Variants in EYS observed in about 807,000 individuals in gnomAD.
The protein encoded by EYS is EGF-like photoreceptor maintenance factor.
EYS carries 250 observed loss-of-function variants against 282.1 expected under a neutral mutation model. That is an observed-to-expected ratio of 0.89 (90% CI 0.80 to 0.98). EYS has a LOEUF of 0.98. EYS is among the 50% of genes least tolerant of loss of function. The pLI, the probability that EYS is intolerant of heterozygous loss-of-function variation, is 0.00. For missense variants in EYS, 4,016 were observed against 3,709.0 expected, an observed-to-expected ratio of 1.08 and a Z score of -2.15; for synonymous variants, 1,355 against 1,282.9, an observed-to-expected ratio of 1.06 and a Z score of -1.20.
At chr6:64,703,511 A>C (rs6927776) in intron 22 of EYS, among the ~76,000 whole-genome samples, 92,982 of 138,116 alleles carry the variant, frequency 0.67, 32,452 homozygotes, top group Non-Finnish European at 0.77. Context: ...CAGCTCACTG[A>C]AATCTCCACC....
intron 28 of EYS, among the ~76,000 whole-genome samples, chr6:64,390,318 G>A (rs1315582507): frequency 1.3e-5 from 2 of 152,178 alleles, no homozygotes; most frequent in African/African-American, 2.4e-5. Context: ...ACCTCTGGGG[G>A]CAGGGCACGG....
intron 26 of EYS, among the ~76,000 whole-genome samples, chr6:64,561,083 C>T (rs756258536): frequency 6.6e-6 from 1 of 152,072 alleles, no homozygotes; most frequent in Non-Finnish European, 1.5e-5. Flanking sequence ...GAACTAAAGA[C>T]AAAAACCACA....
intron 26 of EYS, among the ~76,000 whole-genome samples, chr6:64,573,179 T>C (rs1273968705): frequency 6.6e-6 from 1 of 152,134 alleles, no homozygotes; most frequent in Non-Finnish European, 1.5e-5. Context: ...GGGGAAAGGA[T>C]TCCCTATTTA....
At chr6:64,895,343 T>G (rs1767424835) in intron 18 of EYS, among the ~76,000 whole-genome samples, 1 of 152,188 alleles carries the variant, frequency 6.6e-6, no homozygotes, top group South Asian at 2.1e-4. Flanking sequence ...CCACTTGAAT[T>G]TGTCAGAATG....
At chr6:64,680,576 T>C (rs1427990250) in intron 22 of EYS, among the ~76,000 whole-genome samples, 1 of 152,190 alleles carries the variant, frequency 6.6e-6, no homozygotes, top group Non-Finnish European at 1.5e-5. Flanking sequence ...GCCACCAGCA[T>C]TTATCTGCTT....
At chr6:63,751,967 TTTATGATAGGCAAAGACATCTG>T in intron 41 of EYS, among the ~76,000 whole-genome samples, 1 of 152,222 alleles carries the variant, frequency 6.6e-6, no homozygotes, top group Admixed American at 6.5e-5. Context: ...GCATGATTGT[TTTATGATAGGCAAAGACATCTG>T]GTGACTCCTG....
intron 5 of EYS, among the ~76,000 whole-genome samples, chr6:65,481,489 T>G (rs58710475): frequency 0.18 from 26,863 of 152,166 alleles, 2,891 homozygotes; most frequent in East Asian, 0.27. Context: ...TTAAGTATAG[T>G]ATACACTACC....
At chr6:65,123,219 C>T (rs1489528631) in intron 12 of EYS, among the ~76,000 whole-genome samples, 1 of 151,942 alleles carries the variant, frequency 6.6e-6, no homozygotes, top group African/African-American at 2.4e-5. Context: ...TATCCTAATA[C>T]AAAGCTTGAG....
chr6:64,924,303 A>G (rs566928381), intron 15 of EYS, among the ~76,000 whole-genome samples: 2 of 152,244 alleles, frequency 1.3e-5, no homozygotes, highest in South Asian at 2.1e-4. Flanking sequence ...CATCTGGGAC[A>G]CAGGGCACCA....
chr6:65,075,985 T>C (rs1038445052), intron 12 of EYS, among the ~76,000 whole-genome samples: 2 of 151,970 alleles, frequency 1.3e-5, no homozygotes, highest in Non-Finnish European at 2.9e-5. Flanking sequence ...AAGCAAGCAT[T>C]AAAACAGTAA....
intron 2 of EYS, among the ~76,000 whole-genome samples, chr6:65,607,057 A>G (rs1765825281): frequency 6.6e-6 from 1 of 151,874 alleles, no homozygotes; most frequent in East Asian, 1.9e-4. Context: ...AAATGATCTC[A>G]GCAAATATGC....
intron 15 of EYS, among the ~76,000 whole-genome samples, chr6:64,944,222 G>C (rs911450657): frequency 3.3e-5 from 5 of 151,912 alleles, no homozygotes; most frequent in African/African-American, 1.2e-4. Flanking sequence ...AAGTAACCCA[G>C]GATGGACTAA....
intron 33 of EYS, among the ~76,000 whole-genome samples, chr6:64,064,040 T>C (rs1771277254): frequency 6.6e-6 from 1 of 152,204 alleles, no homozygotes; most frequent in Admixed American, 6.5e-5. Context: ...GCTTTGCCTG[T>C]GTTTTCTTTT....
At chr6:64,823,975 C>T (rs567767408) in intron 19 of EYS, among the ~76,000 whole-genome samples, 1 of 151,928 alleles carries the variant, frequency 6.6e-6, no homozygotes, top group Admixed American at 6.6e-5. Context: ...ATGAAAATAG[C>T]TGACATGTGA....
rs201375561 is a variant in EYS, at chr6:64,183,213, T to C, written c.6424+47379A>G. Among the ~76,000 whole-genome samples, 7 of 152,252 alleles carry C rather than the reference T, an allele frequency of 4.6e-5. No individual in the cohort carries two copies. In the East Asian group the frequency reaches 1.4e-3, roughly 29 times the overall value. On this transcript the variant is annotated intron_variant, in intron 31 of 42. Transcript: ENST00000503581. ...CTATGATTGTAAGTTTCCTGAGGCC[T>C]CCCCACACATGCGGAACTGTGAGTT...
chr6:65,157,764 G>T (rs1764761148), intron 12 of EYS, among the ~76,000 whole-genome samples: 1 of 150,302 alleles, frequency 6.7e-6, no homozygotes. Context: ...AAATTATTTA[G>T]GAAAAGGTTA....
At chr6:63,849,671 G>A (rs779591597) in intron 36 of EYS, among the ~76,000 whole-genome samples, 2 of 152,058 alleles carry the variant, frequency 1.3e-5, no homozygotes, top group African/African-American at 2.4e-5. Flanking sequence ...CCATCCAAAG[G>A]TCAATAGCAT....
At chr6:64,323,307 A>G (rs1370528932) in intron 29 of EYS, among the ~76,000 whole-genome samples, 2 of 152,102 alleles carry the variant, frequency 1.3e-5, no homozygotes, top group Non-Finnish European at 2.9e-5. Context: ...TCTTTAATTT[A>G]GTATAATTTT....
chr6:65,600,394 C>A (rs1383292822), intron 2 of EYS, among the ~76,000 whole-genome samples: 1 of 152,000 alleles, frequency 6.6e-6, no homozygotes, highest in Non-Finnish European at 1.5e-5. Context: ...ATTGTTATTC[C>A]TTCAATATAT....
Sources: allele counts gnomAD v4.1 joint callset (sites outside exome capture counted in the v4.1 genomes callset), GRCh38; gene constraint gnomAD v4.1.1; transcripts MANE v1.5; gene names NCBI Gene and HGNC (gene_info 2026-07-23, HGNC 2026-07-21).